DSP: variants seen among roughly 807,000 people sequenced by gnomAD.
DSP encodes the protein desmoplakin.
DSP carries 114 observed loss-of-function variants against 290.6 expected under a neutral mutation model. The ratio of observed to expected loss-of-function variants is 0.39; its 90% CI spans 0.34 to 0.46. The LOEUF is 0.46. DSP is among the 20% of genes least tolerant of loss of function. The pLI is 0.99. For synonymous variants in DSP, 1,311 were observed against 1,316.4 expected (o/e 1.00, Z 0.09); for missense variants, 3,230 against 3,495.8 (o/e 0.92, Z 1.92).
At position 7,583,614 on chromosome 6, in the gene DSP, A is replaced by G. The variant is rs1311515571; in HGVS notation, c.6352A>G (p.Arg2118Gly). The G allele has an allele frequency of 1.9e-6, 3 of 1,614,188 alleles. No individual in the cohort carries two copies. Among genetic ancestry groups the G allele is most frequent in the South Asian group, 1.1e-5 (1 of 91,084 alleles). ...SEAIKKNLID[R>G]ETGMRLLEAQ... Reference sequence around the variant, plus strand: ...AGCCATCAAGAAAAATTTGATTGATAGAGAAACCGGAATGCGCCTGCTGGA... The same window carrying G: ...AGCCATCAAGAAAAATTTGATTGATGGAGAAACCGGAATGCGCCTGCTGGA... Residue 2118 changes from arginine (R) to glycine (G), a missense_variant, in exon 24 of 24, where the codon AGA (arginine) becomes GGA (glycine). This residue lies in a region of DSP where 1,714 missense variants were observed against 1,844.5 expected (regional missense o/e 0.93). Transcript: ENST00000379802. This position sits in a 1 kb window ranked among gnomAD's most constrained non-coding sequence, Gnocchi z 4.0.
chr6:7,580,512 C>G lies in DSP; in HGVS notation c.4322C>G (p.Ser1441Cys), dbSNP rs924715751. The change falls in exon 23 of 24, where the codon TCT (serine) becomes TGT (cysteine). Residue 1441 changes from serine to cysteine, a missense_variant. Ser to Cys is a moderately radical substitution (Grantham distance 112, BLOSUM62 -1). This residue lies in a region of DSP where 1,714 missense variants were observed against 1,844.5 expected (regional missense o/e 0.93). Coordinates refer to ENST00000379802, the MANE Select transcript of DSP (RefSeq NM_004415.4). The surrounding 1 kb of genome is among the most constrained non-coding windows in gnomAD (Gnocchi z 4.2). ...CAAAAGGCCACTGGCTCTGAGGTGTCTCAGAGGAAACAGCAGCTGGAGGTT... is the reference window on the plus strand; with the variant it reads ...CAAAAGGCCACTGGCTCTGAGGTGTGTCAGAGGAAACAGCAGCTGGAGGTT... ...QQQKATGSEVSQRKQQLEVEL... is the reference protein window; with the variant it reads ...QQQKATGSEVCQRKQQLEVEL... 6.2e-7 allele frequency: 1 copy of G among 1,614,034 alleles called. No individual in the cohort carries two copies. Among genetic ancestry groups the G allele is most frequent in the Middle Eastern group, 1.6e-4 (1 of 6,062 alleles).
At chr6:7,542,169 G>A (rs1758007512) in intron 1 of DSP, 84 bp downstream of exon 1, 2 of 1,511,554 alleles carry the variant, frequency 1.3e-6, no homozygotes, top group Admixed American at 2.1e-5. Flanking sequence ...GGGAGACTCG[G>A]GTCCCGAAGG....
chr6:7,576,941 A>G lies in DSP; in HGVS notation c.2794-18A>G. On this transcript the variant is annotated intron_variant, in intron 19 of 23. Transcript: ENST00000379802. The stretch of plus-strand genomic sequence containing the variant: ...TTTGTATGCATTAACATTGGTAAAT[A>G]TTTCACTTTTTGTATAGAACTTGCA... 6.2e-7 allele frequency: 1 copy of G among 1,605,812 alleles called. No homozygotes were observed. The highest frequency in any genetic ancestry group is 2.2e-5 in the East Asian group (1 of 44,766).
At chr6:7,551,894 C>T (rs570812800) in intron 1 of DSP, among the ~76,000 whole-genome samples, 70 of 152,136 alleles carry the variant, frequency 4.6e-4, no homozygotes, top group Non-Finnish European at 6.8e-4. Flanking sequence ...TTTTGATGGA[C>T]CGAGCCATTC....
In DSP at chr6:7,582,850, AC is replaced by A; in HGVS notation, c.5590del (p.Leu1864Ter). The part of the protein sequence containing the change: ...LECEKQQIQN[D>X]LNQWKTQYSR... Reference sequence around the variant, plus strand: ...TGTGAGAAACAGCAAATTCAGAATGACCTGAATCAGTGGAAGACTCAATATT... The same window carrying A: ...TGTGAGAAACAGCAAATTCAGAATGACTGAATCAGTGGAAGACTCAATATT... On this transcript the variant is annotated frameshift_variant, in exon 24 of 24. Transcript: ENST00000379802. LOFTEE classifies it high-confidence loss of function. The surrounding 1 kb of genome is among the most constrained non-coding windows in gnomAD (Gnocchi z 4.2). 1 of 1,614,128 alleles carries A rather than the reference AC, an allele frequency of 6.2e-7. No homozygotes were observed. The highest frequency in any genetic ancestry group is 1.3e-5 in the African/African-American group (1 of 75,026).
chr6:7,559,591 G>A (rs1758620279), intron 4 of DSP, among the ~76,000 whole-genome samples, 191 bp downstream of exon 4: 1 of 152,224 alleles, frequency 6.6e-6, no homozygotes, highest in African/African-American at 2.4e-5. Context: ...AGATTTCAGT[G>A]TGGCTTGGGG....
At position 7,558,119 on chromosome 6, in the gene DSP, T is replaced by A; in HGVS notation, c.277T>A (p.Leu93Met). The A allele has an allele frequency of 6.2e-7, 1 of 1,614,246 alleles. No individual in the cohort carries two copies. Among genetic ancestry groups the A allele is most frequent in the Non-Finnish European group, 8.5e-7 (1 of 1,180,040 alleles). Reference sequence around the variant, plus strand: ...TCATGTGAGTGTTTTCTTTCAGGAATTGAAGTATGGAGATGGAATACAACT... The same window carrying A: ...TCATGTGAGTGTTTTCTTTCAGGAAATGAAGTATGGAGATGGAATACAACT... ...MRAELIVQPE[L>M]KYGDGIQLTR... The change falls in exon 3 of 24, where the codon TTG becomes ATG. Residue 93 changes from leucine (L) to methionine (M), a missense_variant. Leu to Met is a conservative substitution (Grantham distance 15, BLOSUM62 2). Around this residue, in one of 5 missense-constraint regions of DSP, gnomAD observed 646 missense variants for 684.3 expected, o/e 0.94. Coordinates refer to ENST00000379802, the MANE Select transcript of DSP (RefSeq NM_004415.4).
At chr6:7,547,463 T>C (rs1380172696) in intron 1 of DSP, among the ~76,000 whole-genome samples, 1 of 152,182 alleles carries the variant, frequency 6.6e-6, no homozygotes, top group East Asian at 1.9e-4. Context: ...GGTGTTGCTC[T>C]GTGGCTCAGG....
chr6:7,583,968 C>G lies in DSP; in HGVS notation c.6706C>G (p.Leu2236Val). 6.2e-7 allele frequency: 1 copy of G among 1,614,192 alleles called. No homozygotes were observed. The highest frequency in any genetic ancestry group is 8.5e-7 in the Non-Finnish European group (1 of 1,180,042). The change falls in exon 24 of 24, where the codon CTG becomes GTG. Residue 2236 changes from leucine to valine, a missense_variant. Transcript: ENST00000379802. The surrounding 1 kb of genome is among the most constrained non-coding windows in gnomAD (Gnocchi z 4.0). ...ATTGAGACCGTCCACTGTCAATGAA[C>G]TGGAATCTGGTCAGATTTCTTATGA... is the stretch of plus-strand genomic sequence containing the variant. ...GILRPSTVNELESGQISYDEV... is the reference protein window; with the variant it reads ...GILRPSTVNEVESGQISYDEV...
intron 6 of DSP, among the ~76,000 whole-genome samples, chr6:7,564,171 A>C (rs1354904621): frequency 9.9e-5 from 15 of 152,214 alleles, no homozygotes; most frequent in Admixed American, 7.9e-4. Flanking sequence ...GGCACTTGTT[A>C]AGTACTTGCA....
rs575871380 is a variant in DSP, at chr6:7,567,659, A to G, written c.1141-122A>G. ...ACATACCTAAATACTTTCTGCACGA[A>G]TTTTTTCCTTTAGCCACCTGTCAAA... On this transcript the variant is annotated intron_variant, in intron 9 of 23. Coordinates refer to ENST00000379802, the MANE Select transcript of DSP (RefSeq NM_004415.4). 2.4e-4 allele frequency: 359 copies of G among 1,497,202 alleles called. 2 individuals carry two copies. Among genetic ancestry groups the G allele is most frequent in the Non-Finnish European group, 3.2e-4 (347 of 1,085,782 alleles). The allele number at this position is 1,497,202 out of a possible 1,614,324, so 92.7% of individuals were successfully genotyped here. A position where few individuals can be genotyped will look rare whatever the true frequency, so the allele number is the denominator to read the frequency against.
At chr6:7,549,218 C>T (rs775846949) in intron 1 of DSP, among the ~76,000 whole-genome samples, 8 of 151,898 alleles carry the variant, frequency 5.3e-5, no homozygotes, top group Non-Finnish European at 5.9e-5. Context: ...GGCGCGATCT[C>T]GGCTCACTGC....
rs1203495729 is a variant in DSP at position 7,583,792 on chromosome 6, C to A, written c.6530C>A (p.Thr2177Asn). Residue 2177 changes from threonine to asparagine, a missense_variant, in exon 24 of 24, where the codon ACC (threonine) becomes AAC (asparagine). Transcript: ENST00000379802. This position sits in a 1 kb window ranked among gnomAD's most constrained non-coding sequence, Gnocchi z 4.0. ...CAGAAAAACTTTGTGGATCCAGTCA[C>A]CAAAAAGAAGGTCAGTTACGTGCAG... is the stretch of plus-strand genomic sequence containing the variant. ...DSQKNFVDPV[T>N]KKKVSYVQLK... 6.2e-7 allele frequency: 1 copy of A among 1,613,944 alleles called. No homozygotes were observed. Among genetic ancestry groups the A allele is most frequent in the Non-Finnish European group, 8.5e-7 (1 of 1,180,000 alleles).
intron 1 of DSP, among the ~76,000 whole-genome samples, chr6:7,551,162 C>T (rs2113646432): frequency 6.6e-6 from 1 of 151,978 alleles, no homozygotes; most frequent in East Asian, 1.9e-4. Context: ...TTGGTCATTT[C>T]CTAAAATTGA....
chr6:7,568,610 A>C (rs1270579962), intron 11 of DSP, 21 bp downstream of exon 11: 1 of 1,613,150 alleles, frequency 6.2e-7, no homozygotes, highest in Admixed American at 1.7e-5. Flanking sequence ...ATTTAGAATG[A>C]TACAAAAGTT....
Position 7,585,931 on chromosome 6 carries a change from C to T in DSP, c.*53C>T. 6.4e-7 allele frequency: 1 copy of T among 1,553,758 alleles called. No homozygotes were observed. Among genetic ancestry groups the T allele is most frequent in the African/African-American group, 1.4e-5 (1 of 73,888 alleles). ...TTGACTTCATTTATATGAATTTCCA[C>T]TTTATTAAATAATAGAAAAGAAAAT... On this transcript the variant is annotated 3_prime_UTR_variant, in exon 24 of 24. Coordinates refer to ENST00000379802, the MANE Select transcript of DSP (RefSeq NM_004415.4).
rs1430241534 is a variant in DSP, at chr6:7,582,587, A to G, written c.5380-55A>G. 1.4e-6 allele frequency: 2 copies of G among 1,447,242 alleles called. No individual in the cohort carries two copies. The highest frequency in any genetic ancestry group is 1.9e-6 in the Non-Finnish European group (2 of 1,031,100). 89.7% of individuals were successfully genotyped at this position (1,447,242 alleles called of 1,614,324 possible). The stretch of plus-strand genomic sequence containing the variant: ...AAAAGAAAGTTAAGTCGTGATAGTA[A>G]TATGATATGATTCAAAACATTATTT... On this transcript the variant is annotated intron_variant, in intron 23 of 23. Transcript: ENST00000379802. This position sits in a 1 kb window ranked among gnomAD's most constrained non-coding sequence, Gnocchi z 4.2.
rs749422119 is a variant in DSP, at chr6:7,568,548, C to G, written c.1378C>G (p.Pro460Ala). 32 of 1,613,916 alleles carry G rather than the reference C, an allele frequency of 2.0e-5. No homozygotes were observed. Among genetic ancestry groups the G allele is most frequent in the Non-Finnish European group, 2.6e-5 (31 of 1,180,026 alleles). The change falls in exon 11 of 24, where the codon CCC becomes GCC. Residue 460 changes from proline to alanine, a missense_variant. Physicochemically the swap from Pro to Ala is conservative, Grantham distance 27. This residue lies in a region of DSP where 646 missense variants were observed against 684.3 expected (regional missense o/e 0.94). Transcript: ENST00000379802. ...TAACCCAGACTACAGAAGCAATAAA[C>G]CCATTATTCTCAGAGCTCTCTGTGA... ...PRNPDYRSNKPIILRALCDYK... is the reference protein window; with the variant it reads ...PRNPDYRSNKAIILRALCDYK...
rs772511991 is a variant in DSP at position 7,566,492 on chromosome 6, T to C, written c.1044+11T>C. Reference sequence around the variant, plus strand: ...TCAGACAAAATTGAGGTAGGCTTCATGAGGTTTATATTTTTGTTAGAAAAA... The same window carrying C: ...TCAGACAAAATTGAGGTAGGCTTCACGAGGTTTATATTTTTGTTAGAAAAA... On this transcript the variant is annotated intron_variant, in intron 8 of 23. Transcript: ENST00000379802. The C allele has an allele frequency of 2.0e-5, 32 of 1,609,322 alleles. No homozygotes were observed. The highest frequency in any genetic ancestry group is 2.6e-5 in the Non-Finnish European group (31 of 1,176,234).
Sources: allele counts gnomAD v4.1 joint callset (sites outside exome capture counted in the v4.1 genomes callset), GRCh38; gene constraint gnomAD v4.1.1; regional missense constraint gnomAD v4.1.1; non-coding constraint Gnocchi (gnomAD v3.1); transcripts MANE v1.5; gene names NCBI Gene and HGNC (gene_info 2026-07-23, HGNC 2026-07-21).